STK24: variants seen among roughly 807,000 people sequenced by gnomAD.
STK24 encodes serine/threonine-protein kinase 24.
Under a neutral mutation model 55.6 loss-of-function variants are expected in STK24, and 21 were observed. That is an observed-to-expected ratio of 0.38 (90% confidence interval 0.27 to 0.54). The LOEUF (loss-of-function observed/expected upper bound fraction) is 0.54, where lower values mean the gene tolerates loss of function less well. Ranked by LOEUF, STK24 falls within the 20% of genes least tolerant of loss-of-function variation. The pLI, the probability that STK24 is intolerant of heterozygous loss-of-function variation, is 0.79. For missense variants in STK24, 383 were observed against 538.4 expected (o/e 0.71, Z 2.86); for synonymous variants, 200 against 215.2 (o/e 0.93, Z 0.62).
rs1215008028 is a variant in STK24, at chr13:98,448,186, A to G, written c.*4987T>C. 5 of 1,481,880 alleles carry G rather than the reference A, an allele frequency of 3.4e-6. No homozygotes were observed. Among genetic ancestry groups the G allele is most frequent in the Non-Finnish European group, 4.7e-6 (5 of 1,060,350 alleles). The allele number at this position is 1,481,880 out of a possible 1,614,324, so 91.8% of individuals were successfully genotyped here. On this transcript the variant is annotated 3_prime_UTR_variant, in exon 11 of 11. Transcript: ENST00000539966. ...TGTAAGCGATGCCCACCAAAGTGTC[A>G]GGAGTCCGTCCAAACAAAAGGTTGA... is the stretch of plus-strand genomic sequence containing the variant.
intron 1 of STK24, among the ~76,000 whole-genome samples, chr13:98,562,399 C>T (rs1454490737): frequency 2.0e-5 from 3 of 152,112 alleles, no homozygotes; most frequent in African/African-American, 7.2e-5. Context: ...ACACCACAGC[C>T]GATAAGCAAC....
rs9556959 is a variant in STK24, at chr13:98,453,572, G to A, written c.1260-363C>T. 0.017 allele frequency: 3,207 copies of A among 185,276 alleles called. 200 individuals carry two copies. In the East Asian group the frequency reaches 0.22, roughly 13 times the overall value. 11.5% of individuals were successfully genotyped at this position (185,276 alleles called of 1,614,324 possible). On this transcript the variant is annotated intron_variant, in intron 10 of 10. Coordinates refer to ENST00000539966, the MANE Select transcript of STK24 (RefSeq NM_001032296.4). ...ATTCCAGGGATGCATATGCATTCCCGATGTGAGGGCAGGAAACCCATTTTG... is the reference window on the plus strand; with the variant it reads ...ATTCCAGGGATGCATATGCATTCCCAATGTGAGGGCAGGAAACCCATTTTG...
At chr13:98,475,406 G>A (rs1894330060) in intron 3 of STK24, 48 bp from the exon 4 acceptor site, 4 of 1,352,968 alleles carry the variant, frequency 3.0e-6, no homozygotes, top group Non-Finnish European at 4.1e-6. Flanking sequence ...ATTATCTTAT[G>A]AAAAGTTTGA....
intron 1 of STK24, among the ~76,000 whole-genome samples, chr13:98,523,355 T>C (rs2139389362): frequency 6.6e-6 from 1 of 152,320 alleles, no homozygotes; most frequent in South Asian, 2.1e-4. Context: ...TTGAGGACCC[T>C]GTGGGAGACT....
intron 1 of STK24, among the ~76,000 whole-genome samples, chr13:98,569,115 G>C (rs1436055838): frequency 2.0e-5 from 3 of 152,146 alleles, no homozygotes; most frequent in African/African-American, 7.2e-5. Flanking sequence ...AAAAAGTTCA[G>C]ATCCCATTAG....
chr13:98,541,044 G>T (rs1896875500), intron 1 of STK24, among the ~76,000 whole-genome samples: 1 of 152,112 alleles, frequency 6.6e-6, no homozygotes, highest in African/African-American at 2.4e-5. Context: ...GCACCTGGAC[G>T]CATTTAGATT....
At chr13:98,535,881 C>A (rs1356155544) in intron 1 of STK24, among the ~76,000 whole-genome samples, 1 of 152,178 alleles carries the variant, frequency 6.6e-6, no homozygotes, top group Non-Finnish European at 1.5e-5. Flanking sequence ...AAATGTGATA[C>A]CACTTCCCAT....
At chr13:98,497,543 A>G (rs903726946) in intron 2 of STK24, among the ~76,000 whole-genome samples, 1 of 152,148 alleles carries the variant, frequency 6.6e-6, no homozygotes, top group African/African-American at 2.4e-5. Flanking sequence ...CCAATCTCAC[A>G]CTGCTTACCT....
At chr13:98,495,890 C>G (rs1214966820) in intron 2 of STK24, among the ~76,000 whole-genome samples, 1 of 152,236 alleles carries the variant, frequency 6.6e-6, no homozygotes, top group Non-Finnish European at 1.5e-5. Flanking sequence ...CCACTACAGT[C>G]TGATACCACG....
At chr13:98,527,518 G>A (rs1456502325) in intron 1 of STK24, among the ~76,000 whole-genome samples, 3 of 152,214 alleles carry the variant, frequency 2.0e-5, no homozygotes, top group South Asian at 2.1e-4. Context: ...AAGAGCATCC[G>A]AGGGAGCCCT....
At chr13:98,560,144 G>A (rs914013703) in intron 1 of STK24, among the ~76,000 whole-genome samples, 4 of 152,206 alleles carry the variant, frequency 2.6e-5, no homozygotes, top group African/African-American at 9.6e-5. Context: ...CTGAAATGAT[G>A]TGCAGCTACT....
intron 2 of STK24, among the ~76,000 whole-genome samples, chr13:98,507,819 G>A (rs1783929932): frequency 6.6e-6 from 1 of 152,116 alleles, no homozygotes; most frequent in African/African-American, 2.4e-5. Flanking sequence ...TGATGGTAAA[G>A]GCAGCCTCCC....
intron 8 of STK24, 89 bp downstream of exon 8, chr13:98,461,685 G>A: frequency 6.4e-7 from 1 of 1,564,890 alleles, no homozygotes; most frequent in Non-Finnish European, 8.7e-7. Flanking sequence ...AAGGACCCCA[G>A]CCGCACCCAC....
intron 1 of STK24, among the ~76,000 whole-genome samples, chr13:98,547,975 C>G (rs1452456748): frequency 6.6e-6 from 1 of 152,164 alleles, no homozygotes; most frequent in African/African-American, 2.4e-5. Flanking sequence ...CCACCAAGCC[C>G]TCCCCTCTCT....
intron 6 of STK24, among the ~76,000 whole-genome samples, chr13:98,466,148 G>A (rs781736936): frequency 2.7e-4 from 41 of 152,134 alleles, no homozygotes; most frequent in Non-Finnish European, 4.4e-4. Context: ...CAGATTCAAT[G>A]AAGTATGAGA....
intron 2 of STK24, chr13:98,505,112 T>C (rs569872777): frequency 1.3e-5 from 2 of 152,354 alleles, no homozygotes; most frequent in East Asian, 3.9e-4. Context: ...CCCTTTCTTC[T>C]AGGGACAAGT....
At chr13:98,543,395 ACACAGCTG>A (rs1431514886) in intron 1 of STK24, among the ~76,000 whole-genome samples, 1 of 152,154 alleles carries the variant, frequency 6.6e-6, no homozygotes, top group Non-Finnish European at 1.5e-5. Context: ...CCAAGCACAA[ACACAGCTG>A]CCCCAAATTC....
At chr13:98,576,067 G>A (rs1897881613) in intron 1 of STK24, 1 of 984,712 alleles carries the variant, frequency 1.0e-6, no homozygotes, top group African/African-American at 1.8e-5. Flanking sequence ...CCAGGGTCCC[G>A]GGGCCGGGCC....
chr13:98,528,567 C>A (rs1043256407), intron 1 of STK24, among the ~76,000 whole-genome samples: 1 of 152,216 alleles, frequency 6.6e-6, no homozygotes, highest in Non-Finnish European at 1.5e-5. Context: ...CAACACAACA[C>A]TTTATTATAT....
Sources: allele counts gnomAD v4.1 joint callset (sites outside exome capture counted in the v4.1 genomes callset), GRCh38; gene constraint gnomAD v4.1.1; transcripts MANE v1.5; gene names NCBI Gene and HGNC (gene_info 2026-07-23, HGNC 2026-07-21).